Variants in RSPO2 observed in about 807,000 individuals in gnomAD.
The protein encoded by RSPO2 is R-spondin 2.
RSPO2 carries 14 observed loss-of-function variants against 30.9 expected under a neutral mutation model. That is an observed-to-expected ratio of 0.45 (90% CI 0.30 to 0.71). RSPO2 has a LOEUF of 0.71. Ranked by LOEUF, RSPO2 falls within the 30% of genes least tolerant of loss-of-function variation. RSPO2 has a pLI of 0.08. For missense variants in RSPO2, 264 were observed against 301.9 expected, an observed-to-expected ratio of 0.87 and a Z score of 0.93; for synonymous variants, 107 against 96.4, an observed-to-expected ratio of 1.11 and a Z score of -0.64.
At chr8:107,917,170 A>G (rs1047555167) in intron 5 of RSPO2, among the ~76,000 whole-genome samples, 4 of 152,170 alleles carry the variant, frequency 2.6e-5, no homozygotes, top group Non-Finnish European at 4.4e-5. Context: ...TTCTTCTATC[A>G]GAGTAAAGGT....
At chr8:107,927,465 G>A (rs1422426897) in intron 5 of RSPO2, among the ~76,000 whole-genome samples, 1 of 152,150 alleles carries the variant, frequency 6.6e-6, no homozygotes, top group Non-Finnish European at 1.5e-5. Flanking sequence ...GGGCATCCCT[G>A]TCTTGTGCCA....
chr8:107,970,334 A>G (rs1377277456), intron 3 of RSPO2, among the ~76,000 whole-genome samples: 2 of 152,192 alleles, frequency 1.3e-5, no homozygotes, highest in African/African-American at 4.8e-5. Context: ...AAAATCTGCA[A>G]GCTATTCTTA....
chr8:108,050,233 G>A (rs1812037202), intron 2 of RSPO2, among the ~76,000 whole-genome samples: 1 of 152,062 alleles, frequency 6.6e-6, no homozygotes, highest in African/African-American at 2.4e-5. Context: ...ATTTTCCACA[G>A]TCCTAGAAAA....
At chr8:107,919,562 C>T (rs770279994) in intron 5 of RSPO2, among the ~76,000 whole-genome samples, 23 of 152,124 alleles carry the variant, frequency 1.5e-4, no homozygotes, top group Non-Finnish European at 2.6e-4. Flanking sequence ...AAGATCAATG[C>T]TTGAGATATT....
intron 2 of RSPO2, among the ~76,000 whole-genome samples, chr8:107,994,481 A>C (rs1429072690): frequency 1.3e-5 from 2 of 152,162 alleles, no homozygotes; most frequent in African/African-American, 4.8e-5. Flanking sequence ...AAGATAAGTT[A>C]ATACCTGAAC....
intron 5 of RSPO2, among the ~76,000 whole-genome samples, chr8:107,935,992 T>C (rs768868429): frequency 2.0e-5 from 3 of 152,182 alleles, no homozygotes; most frequent in Non-Finnish European, 4.4e-5. Flanking sequence ...CTTTGAAATA[T>C]ACACGTTGTT....
chr8:107,935,632 A>G (rs1444639176), intron 5 of RSPO2, among the ~76,000 whole-genome samples: 1 of 152,110 alleles, frequency 6.6e-6, no homozygotes, highest in Non-Finnish European at 1.5e-5. Context: ...GGTGCCCTTC[A>G]TGCTTCATGA....
intron 2 of RSPO2, among the ~76,000 whole-genome samples, chr8:107,994,684 T>C (rs895570364): frequency 2.0e-5 from 3 of 152,114 alleles, no homozygotes; most frequent in Non-Finnish European, 4.4e-5. Flanking sequence ...ACAGAATACA[T>C]GAGGCCACAA....
At chr8:107,903,079 A>G (rs1811530063) in intron 5 of RSPO2, among the ~76,000 whole-genome samples, 1 of 152,126 alleles carries the variant, frequency 6.6e-6, no homozygotes, top group Non-Finnish European at 1.5e-5. Flanking sequence ...TTAATACAAA[A>G]TATAGCATAT....
rs1811376160 is a variant in RSPO2, at chr8:107,899,614, TGCCAATGCAAGGTGAAAA to T, written c.*1443_*1460del. On this transcript the variant is annotated 3_prime_UTR_variant, in exon 6 of 6. Coordinates refer to ENST00000276659, the MANE Select transcript of RSPO2 (RefSeq NM_178565.5). Reference sequence around the variant, plus strand: ...GTTAAAAACACTGAAGAGGTAGTTTTGCCAATGCAAGGTGAAAAAAAAAAGGCTTTACCTTGCTTTGTT... The same window carrying T: ...GTTAAAAACACTGAAGAGGTAGTTTTAAAAAAGGCTTTACCTTGCTTTGTT... 1 of 152,632 alleles carries T rather than the reference TGCCAATGCAAGGTGAAAA, an allele frequency of 6.6e-6. No individual in the cohort carries two copies. The highest frequency in any genetic ancestry group is 6.5e-5 in the Admixed American group (1 of 15,282). 9.5% of individuals were successfully genotyped at this position (152,632 alleles called of 1,614,324 possible).
At chr8:108,041,464 CA>C in intron 2 of RSPO2, among the ~76,000 whole-genome samples, 1 of 151,796 alleles carries the variant, frequency 6.6e-6, no homozygotes, top group African/African-American at 2.4e-5. Flanking sequence ...AAATTGAGAC[CA>C]ACAGCAAAAG....
intron 2 of RSPO2, among the ~76,000 whole-genome samples, chr8:108,030,926 A>G (rs1811400010): frequency 1.3e-5 from 2 of 152,172 alleles, no homozygotes; most frequent in South Asian, 4.1e-4. Context: ...AAATCACTGA[A>G]GGCTGTCCGA....
intron 2 of RSPO2, among the ~76,000 whole-genome samples, chr8:108,032,662 ACT>A (rs1220049257): frequency 6.6e-6 from 1 of 151,936 alleles, no homozygotes; most frequent in Non-Finnish European, 1.5e-5. Flanking sequence ...GTAGGGCCTC[ACT>A]CTGTCACCCA....
At chr8:107,999,395 T>C (rs76894542) in intron 2 of RSPO2, among the ~76,000 whole-genome samples, 2,165 of 152,178 alleles carry the variant, frequency 0.014, 42 homozygotes, top group African/African-American at 0.048. Context: ...TATTAAAATA[T>C]GTATTTCACT....
chr8:108,021,762 G>A (rs1811064285), intron 2 of RSPO2, among the ~76,000 whole-genome samples: 1 of 151,818 alleles, frequency 6.6e-6, no homozygotes, highest in Non-Finnish European at 1.5e-5. Context: ...ACACACCGGG[G>A]CCTGTCGGGG....
At chr8:107,965,730 G>A (rs1036021493) in intron 3 of RSPO2, among the ~76,000 whole-genome samples, 2 of 152,012 alleles carry the variant, frequency 1.3e-5, no homozygotes, top group Non-Finnish European at 2.9e-5. Flanking sequence ...AAATGAACAT[G>A]AATGCCATTC....
In RSPO2 at chr8:108,003,885, A is replaced by C. The variant is rs531482778; in HGVS notation, c.95-14641T>G. ...TTTAACTTCAAAATCCTGGCTGTTT[A>C]TTTCCTGTTAAACAATATATGTACA... On this transcript the variant is annotated intron_variant, in intron 2 of 5. Transcript: ENST00000276659. Among the ~76,000 whole-genome samples the C allele has an allele frequency of 7.2e-5, 11 of 152,274 alleles. No individual in the cohort carries two copies. In the East Asian group the frequency reaches 1.9e-3, roughly 27 times the overall value.
intron 2 of RSPO2, among the ~76,000 whole-genome samples, chr8:108,066,481 G>A (rs1304997606): frequency 1.3e-5 from 2 of 151,870 alleles, no homozygotes; most frequent in African/African-American, 4.8e-5. Flanking sequence ...TACTACTGCT[G>A]TTGCAGTAAG....
At chr8:107,975,009 T>C (rs111410337) in intron 3 of RSPO2, among the ~76,000 whole-genome samples, 1 of 152,222 alleles carries the variant, frequency 6.6e-6, no homozygotes, top group Admixed American at 6.5e-5. Flanking sequence ...ATGCAGAGAT[T>C]TGGTACATTG....
Sources: allele counts gnomAD v4.1 joint callset (sites outside exome capture counted in the v4.1 genomes callset), GRCh38; gene constraint gnomAD v4.1.1; transcripts MANE v1.5; gene names NCBI Gene and HGNC (gene_info 2026-07-23, HGNC 2026-07-21).